KPNA4: variants seen among roughly 807,000 people sequenced by gnomAD.
The protein encoded by KPNA4 is karyopherin subunit alpha 4.
Under a neutral mutation model 71.3 loss-of-function variants are expected in KPNA4, and 13 were observed. The ratio of observed to expected loss-of-function variants is 0.18; its 90% CI spans 0.12 to 0.29. The LOEUF is 0.29. Among genes scored for constraint, KPNA4 ranks in the 10% least tolerant of loss-of-function variants. KPNA4 has a pLI of 1.00. For missense variants in KPNA4, 334 were observed against 603.2 expected (o/e 0.55, Z 4.67); for synonymous variants, 189 against 195.2 (o/e 0.97, Z 0.26).
At chr3:160,539,170 TTCTC>T (rs140222269) in intron 1 of KPNA4, among the ~76,000 whole-genome samples, 15 of 150,588 alleles carry the variant, frequency 1.0e-4, no homozygotes, top group African/African-American at 2.9e-4. Context: ...TTTGGGTACT[TTCTC>T]TCTCTCTCTC....
chr3:160,535,626 A>T (rs1721673826), intron 4 of KPNA4, 35 bp downstream of exon 4: 2 of 1,588,578 alleles, frequency 1.3e-6, no homozygotes, highest in Non-Finnish European at 1.7e-6. Context: ...GAGGACAAGA[A>T]ATGCAAATGA....
intron 1 of KPNA4, among the ~76,000 whole-genome samples, chr3:160,552,976 G>T (rs115622339): frequency 0.014 from 2,200 of 152,056 alleles, 53 homozygotes; most frequent in African/African-American, 0.046. Context: ...GGTGAGAATT[G>T]ATTTACTTTA....
At chr3:160,560,751 G>C (rs1324474504) in intron 1 of KPNA4, among the ~76,000 whole-genome samples, 2 of 151,928 alleles carry the variant, frequency 1.3e-5, no homozygotes, top group Non-Finnish European at 2.9e-5. Flanking sequence ...TCTCAAACTG[G>C]CTACCTTGTA....
chr3:160,545,939 G>A (rs1191763197), intron 1 of KPNA4, among the ~76,000 whole-genome samples: 1 of 152,196 alleles, frequency 6.6e-6, no homozygotes, highest in Non-Finnish European at 1.5e-5. Context: ...CATTTACTGA[G>A]ATGGGGCAGA....
At chr3:160,507,955 G>A (rs1488164599) in intron 15 of KPNA4, 152 bp downstream of exon 15, 4 of 540,888 alleles carry the variant, frequency 7.4e-6, no homozygotes, top group Non-Finnish European at 9.3e-6. Context: ...AAGAGGCTGA[G>A]CAGGACTGCA....
Position 160,565,490 on chromosome 3 carries a change from C to T in KPNA4, c.-208G>A. 2 of 558,160 alleles carry T rather than the reference C, an allele frequency of 3.6e-6. No individual in the cohort carries two copies. Among genetic ancestry groups the T allele is most frequent in the Non-Finnish European group, 3.1e-6 (1 of 317,850 alleles). 34.6% of individuals were successfully genotyped at this position (558,160 alleles called of 1,614,324 possible). On this transcript the variant is annotated 5_prime_UTR_variant, in exon 1 of 17. Coordinates refer to ENST00000334256, the MANE Select transcript of KPNA4 (RefSeq NM_002268.5). ...CCCTAACCCCAGCGCGACTGCAGCT[C>T]CGGCAAAGACAACTGTGGGGCCGGG...
chr3:160,558,070 G>A (rs540461102), intron 1 of KPNA4, among the ~76,000 whole-genome samples: 4 of 152,290 alleles, frequency 2.6e-5, no homozygotes, highest in Admixed American at 2.6e-4. Context: ...GTACTAAATA[G>A]TGTGAATTAT....
chr3:160,515,555 T>C lies in KPNA4; in HGVS notation c.929A>G (p.Asn310Ser), dbSNP rs746430687. 2 of 1,613,732 alleles carry C rather than the reference T, an allele frequency of 1.2e-6. No homozygotes were observed. The highest frequency in any genetic ancestry group is 1.3e-5 in the African/African-American group (1 of 74,910). The change falls in exon 12 of 17, where the codon AAC becomes AGC. Residue 310 changes from asparagine to serine, a missense_variant. Physicochemically the swap from Asn to Ser is conservative, Grantham distance 46. Transcript: ENST00000334256. Reference sequence around the variant, plus strand: ...TTGCTCATCAGTTCCAGTAACAATGTTGCCCACAGCTCTAAGTGCAGCAGT... The same window carrying C: ...TTGCTCATCAGTTCCAGTAACAATGCTGCCCACAGCTCTAAGTGCAGCAGT... ...VQTAALRAVG[N>S]IVTGTDEQTQ...
chr3:160,557,438 C>T lies in KPNA4; in HGVS notation c.69+7776G>A, dbSNP rs773835241. Among the ~76,000 whole-genome samples, 12 of 152,106 alleles carry T rather than the reference C, an allele frequency of 7.9e-5. No individual in the cohort carries two copies. In the South Asian group the frequency reaches 8.3e-4, roughly 11 times the overall value. ...GGACACTGAGATAGACTATGATTTA[C>T]CTTCTAATATTAGACAATATGTCCA... On this transcript the variant is annotated intron_variant, in intron 1 of 16. Coordinates refer to ENST00000334256, the MANE Select transcript of KPNA4 (RefSeq NM_002268.5).
intron 11 of KPNA4, among the ~76,000 whole-genome samples, chr3:160,516,517 C>T (rs1227314055): frequency 2.6e-5 from 4 of 151,868 alleles, no homozygotes; most frequent in Admixed American, 1.3e-4. Context: ...CAGTGGCTCA[C>T]GCCTGTAATT....
chr3:160,535,686 T>C lies in KPNA4; in HGVS notation c.209A>G (p.Asn70Ser). Reference protein sequence around the residue: ...SDIDGDYRVQNTSLEAIVQNA... With the variant: ...SDIDGDYRVQSTSLEAIVQNA... ...TTGAACAATAGCTTCTAGAGAGGTA[T>C]TTTGCTGGGAAAAAAGTTAAAGAGA... is the stretch of plus-strand genomic sequence containing the variant. The change falls in exon 4 of 17, where the codon AAT becomes AGT. Residue 70 changes from asparagine to serine, a missense_variant. Asn to Ser is a conservative substitution (Grantham distance 46). Coordinates refer to ENST00000334256, the MANE Select transcript of KPNA4 (RefSeq NM_002268.5). The C allele has an allele frequency of 6.4e-7, 1 of 1,572,558 alleles. No individual in the cohort carries two copies. The highest frequency in any genetic ancestry group is 8.6e-7 in the Non-Finnish European group (1 of 1,169,080).
At chr3:160,513,281 G>C (rs778906183) in intron 13 of KPNA4, among the ~76,000 whole-genome samples, 3 of 127,666 alleles carry the variant, frequency 2.3e-5, no homozygotes, top group Non-Finnish European at 3.3e-5. Flanking sequence ...TTTGAGACAG[G>C]GTCTTGCTCT....
intron 8 of KPNA4, 89 bp from the exon 9 acceptor site, chr3:160,526,196 C>T (rs972497423): frequency 1.1e-6 from 1 of 941,770 alleles, no homozygotes; most frequent in Non-Finnish European, 1.5e-6. Flanking sequence ...TATGCTGCTT[C>T]ATGTATTTTA....
intron 16 of KPNA4, 65 bp downstream of exon 16, chr3:160,504,893 T>G (rs1720953893): frequency 9.0e-6 from 6 of 667,300 alleles, no homozygotes; most frequent in South Asian, 6.8e-5. Flanking sequence ...GCTTACTATA[T>G]ATATTACTTT....
chr3:160,552,180 C>CT (rs1267160200), intron 1 of KPNA4, among the ~76,000 whole-genome samples: 7 of 152,056 alleles, frequency 4.6e-5, no homozygotes, highest in African/African-American at 1.7e-4. Flanking sequence ...ATCCAAAAGA[C>CT]TAACAGTAGT....
intron 11 of KPNA4, among the ~76,000 whole-genome samples, chr3:160,519,302 G>A: frequency 6.6e-6 from 1 of 152,142 alleles, no homozygotes; most frequent in East Asian, 1.9e-4. Context: ...AAAGAGGAAA[G>A]ATAAAAGAAA....
At chr3:160,548,257 A>G (rs1721965485) in intron 1 of KPNA4, among the ~76,000 whole-genome samples, 2 of 152,146 alleles carry the variant, frequency 1.3e-5, no homozygotes, top group Admixed American at 1.3e-4. Flanking sequence ...TAACAATAAA[A>G]TTTACTATCT....
At chr3:160,517,199 T>C (rs1721247204) in intron 11 of KPNA4, among the ~76,000 whole-genome samples, 1 of 152,108 alleles carries the variant, frequency 6.6e-6, no homozygotes, top group African/African-American at 2.4e-5. Context: ...GGGCACTTCA[T>C]ATTAACAAAA....
chr3:160,560,679 C>T (rs1427120753), intron 1 of KPNA4, among the ~76,000 whole-genome samples: 2 of 151,874 alleles, frequency 1.3e-5, no homozygotes, highest in East Asian at 1.9e-4. Context: ...ATTTGACATA[C>T]TTAGTGACTA....
Sources: allele counts gnomAD v4.1 joint callset (sites outside exome capture counted in the v4.1 genomes callset), GRCh38; gene constraint gnomAD v4.1.1; transcripts MANE v1.5; gene names NCBI Gene and HGNC (gene_info 2026-07-23, HGNC 2026-07-21).